The following SYN2 variants were observed in gnomAD, a reference collection of about 807,000 sequenced individuals.
SYN2 encodes the protein synapsin-2.
Under a neutral mutation model 50.9 loss-of-function variants are expected in SYN2, and 19 were observed. That is an observed-to-expected ratio of 0.37 (90% CI 0.26 to 0.55). SYN2 has a LOEUF of 0.55. Among genes scored for constraint, SYN2 ranks in the 20% least tolerant of loss-of-function variants. The pLI, the probability that SYN2 is intolerant of heterozygous loss-of-function variation, is 0.81. For missense variants in SYN2, 587 were observed against 576.4 expected (o/e 1.02, Z -0.19); for synonymous variants, 255 against 224.9 (o/e 1.13, Z -1.20).
chr3:12,094,332 A>G (rs1035451853), intron 1 of SYN2, among the ~76,000 whole-genome samples: 2 of 152,224 alleles, frequency 1.3e-5, no homozygotes, highest in Non-Finnish European at 2.9e-5. Context: ...AAGGAGTGAA[A>G]GAGTGTAAAA....
At chr3:12,053,204 C>T (rs1011122231) in intron 1 of SYN2, among the ~76,000 whole-genome samples, 2 of 152,134 alleles carry the variant, frequency 1.3e-5, no homozygotes, top group South Asian at 2.1e-4. Flanking sequence ...GGGTGGATCA[C>T]GAGGTTAGGA....
chr3:12,024,403 C>T (rs1694209993), intron 1 of SYN2, among the ~76,000 whole-genome samples: 1 of 152,022 alleles, frequency 6.6e-6, no homozygotes, highest in Admixed American at 6.6e-5. Context: ...CGTGATCCGC[C>T]CATCTCGGCC....
chr3:12,149,650 A>T (rs1697231368), intron 4 of SYN2, among the ~76,000 whole-genome samples: 1 of 152,114 alleles, frequency 6.6e-6, no homozygotes, highest in African/African-American at 2.4e-5. Flanking sequence ...GTCCCTTTTG[A>T]CAATGGTATC....
intron 1 of SYN2, among the ~76,000 whole-genome samples, chr3:12,008,966 C>T (rs1349268509): frequency 6.6e-6 from 1 of 152,168 alleles, no homozygotes; most frequent in East Asian, 1.9e-4. Flanking sequence ...AGCCTTTGAG[C>T]ATTTCATCAA....
At chr3:12,185,601 G>A (rs955458580) in intron 11 of SYN2, 7 of 985,842 alleles carry the variant, frequency 7.1e-6, no homozygotes, top group South Asian at 4.7e-5. Flanking sequence ...CTTTCCTGAC[G>A]TTGTCCCCTT....
chr3:12,171,307 AT>A (rs760123615), intron 10 of SYN2, among the ~76,000 whole-genome samples: 2 of 152,298 alleles, frequency 1.3e-5, no homozygotes, highest in Non-Finnish European at 2.9e-5. Flanking sequence ...AGATTTTATG[AT>A]TTTGTAAATG....
chr3:12,181,810 A>T lies in SYN2; in HGVS notation c.1309-1502A>T, dbSNP rs569255048. ...CAGGGAAGATGGTGACTCAGATACCAGGAGGGAAAAGTGGAGGAGTCCTGA... is the reference window on the plus strand; with the variant it reads ...CAGGGAAGATGGTGACTCAGATACCTGGAGGGAAAAGTGGAGGAGTCCTGA... On this transcript the variant is annotated intron_variant, in intron 10 of 12. Transcript: ENST00000621198. Among the ~76,000 whole-genome samples, 145 of 143,748 alleles carry T rather than the reference A, an allele frequency of 1.0e-3. 1 individual carries two copies. In the East Asian group the frequency reaches 0.033, roughly 33 times the overall value. The allele number at this position is 143,748 out of a possible 152,430, so 94.3% of individuals were successfully genotyped here.
intron 1 of SYN2, among the ~76,000 whole-genome samples, chr3:12,018,194 G>T (rs1694061718): frequency 6.6e-6 from 1 of 152,160 alleles, no homozygotes; most frequent in African/African-American, 2.4e-5. Context: ...CTACAGAAGG[G>T]ACAAATCTGA....
chr3:12,067,872 G>A (rs940371162), intron 1 of SYN2, among the ~76,000 whole-genome samples: 23 of 152,154 alleles, frequency 1.5e-4, no homozygotes, highest in Admixed American at 1.3e-4. Context: ...ACCAGCATGG[G>A]CAATGTGGCA....
At chr3:12,105,501 A>G (rs1467326136) in intron 1 of SYN2, among the ~76,000 whole-genome samples, 4 of 138,642 alleles carry the variant, frequency 2.9e-5, no homozygotes, top group Non-Finnish European at 6.4e-5. Context: ...GAAGGTATGG[A>G]TCTTCTAGTG....
chr3:12,084,087 C>G (rs1695639347), intron 1 of SYN2, among the ~76,000 whole-genome samples: 1 of 152,110 alleles, frequency 6.6e-6, no homozygotes, highest in African/African-American at 2.4e-5. Flanking sequence ...CTTCATTGAT[C>G]AGGAATTTAT....
chr3:12,114,056 T>C (rs959991061), intron 1 of SYN2, among the ~76,000 whole-genome samples: 1 of 151,990 alleles, frequency 6.6e-6, no homozygotes, highest in Non-Finnish European at 1.5e-5. Flanking sequence ...CAAGAGTGTA[T>C]GAAAGTTTCC....
At chr3:12,135,057 G>A (rs1270684845) in intron 1 of SYN2, among the ~76,000 whole-genome samples, 1 of 152,234 alleles carries the variant, frequency 6.6e-6, no homozygotes, top group East Asian at 1.9e-4. Flanking sequence ...GAGGGAAGTG[G>A]ATGCATACTT....
intron 10 of SYN2, among the ~76,000 whole-genome samples, chr3:12,179,374 G>GAA (rs536283283): frequency 5.6e-3 from 516 of 92,240 alleles, no homozygotes; most frequent in East Asian, 0.01. Context: ...AGAACTGAAA[G>GAA]AAAAAAAAAA....
At chr3:12,158,740 G>C (rs753830644) in intron 5 of SYN2, 2 of 1,609,136 alleles carry the variant, frequency 1.2e-6, no homozygotes, top group Non-Finnish European at 1.7e-6. Flanking sequence ...AGGGTGCGCC[G>C]GGGCGCAGCT....
intron 1 of SYN2, among the ~76,000 whole-genome samples, chr3:12,008,344 T>A (rs1693841536): frequency 6.6e-6 from 1 of 152,216 alleles, no homozygotes; most frequent in African/African-American, 2.4e-5. Context: ...AGGGGATATT[T>A]ACTAAGAAAA....
intron 1 of SYN2, among the ~76,000 whole-genome samples, chr3:12,067,301 A>G (rs1695235187): frequency 6.6e-6 from 1 of 152,196 alleles, no homozygotes. Flanking sequence ...AAAAAAGAAA[A>G]AAGGGATGTT....
chr3:12,161,235 A>G (rs905618536), intron 5 of SYN2, among the ~76,000 whole-genome samples: 1 of 152,102 alleles, frequency 6.6e-6, no homozygotes, highest in Non-Finnish European at 1.5e-5. Flanking sequence ...TTCTTTTTTT[A>G]ATTCTCTTTG....
chr3:12,162,217 C>A (rs1383560246), intron 7 of SYN2, 63 bp downstream of exon 7: 1 of 1,574,666 alleles, frequency 6.4e-7, no homozygotes, highest in East Asian at 2.3e-5. Flanking sequence ...CTCCACATTG[C>A]AGCCAACTCT....
Sources: gnomAD v4.1 joint callset for allele counts (sites outside exome capture counted in the v4.1 genomes callset) on GRCh38, gnomAD v4.1.1 for gene constraint, MANE v1.5 for transcripts, NCBI Gene and HGNC (gene_info 2026-07-23, HGNC 2026-07-21) for gene names.